The following SERGEF variants were observed in gnomAD, a reference collection of about 807,000 sequenced individuals.
The protein encoded by SERGEF is secretion-regulating guanine nucleotide exchange factor.
A neutral mutation model predicts 50.0 loss-of-function variants in SERGEF; 51 were observed. The ratio of observed to expected loss-of-function variants is 1.02; its 90% confidence interval spans 0.81 to 1.29. SERGEF has a LOEUF of 1.29. SERGEF is among the 50% of genes most tolerant of loss of function. The pLI is 0.00. For missense variants in SERGEF, 521 were observed against 557.0 expected (o/e 0.94, Z 0.65); for synonymous variants, 205 against 212.4 (o/e 0.97, Z 0.30).
At chr11:17,875,926 C>T (rs552798303) in intron 10 of SERGEF, among the ~76,000 whole-genome samples, 11 of 152,320 alleles carry the variant, frequency 7.2e-5, no homozygotes, top group African/African-American at 2.4e-4. Context: ...AGGGAAATCC[C>T]TCTAAAGCAG....
intron 10 of SERGEF, among the ~76,000 whole-genome samples, chr11:17,822,701 C>A (rs1347170934): frequency 6.6e-6 from 1 of 152,196 alleles, no homozygotes; most frequent in African/African-American, 2.4e-5. Flanking sequence ...CACTGTCTCA[C>A]TGAAGTTTTT....
intron 9 of SERGEF, among the ~76,000 whole-genome samples, chr11:17,958,024 A>C (rs900399618): frequency 6.6e-6 from 1 of 152,214 alleles, no homozygotes; most frequent in Non-Finnish European, 1.5e-5. Flanking sequence ...AATATTAAGT[A>C]GTTTCATTAT....
chr11:17,905,643 G>T (rs1851826195), intron 9 of SERGEF, among the ~76,000 whole-genome samples: 1 of 152,160 alleles, frequency 6.6e-6, no homozygotes, highest in Admixed American at 6.5e-5. Context: ...CACATGACAG[G>T]AGTCAGAGGT....
chr11:17,871,333 C>T (rs1181276446), intron 10 of SERGEF, among the ~76,000 whole-genome samples: 2 of 151,884 alleles, frequency 1.3e-5, no homozygotes, highest in Admixed American at 1.3e-4. Context: ...TGGTGGCAGG[C>T]GCCTGTAGTC....
At chr11:17,982,352 C>CT (rs1409870840) in intron 8 of SERGEF, among the ~76,000 whole-genome samples, 4 of 152,176 alleles carry the variant, frequency 2.6e-5, no homozygotes, top group South Asian at 2.1e-4. Flanking sequence ...CAGATGATCT[C>CT]TAAGTTTCCA....
intron 7 of SERGEF, among the ~76,000 whole-genome samples, chr11:17,989,771 T>C (rs1352442777): frequency 6.6e-6 from 1 of 152,218 alleles, no homozygotes; most frequent in East Asian, 1.9e-4. Context: ...TGAGATACAT[T>C]GTAAGTGAAA....
chr11:17,870,002 G>T (rs1851107153), intron 10 of SERGEF, among the ~76,000 whole-genome samples: 1 of 152,202 alleles, frequency 6.6e-6, no homozygotes, highest in Non-Finnish European at 1.5e-5. Flanking sequence ...CCAGGTGGAG[G>T]TAATTGAATC....
At chr11:17,890,427 T>C (rs1193454341) in intron 9 of SERGEF, among the ~76,000 whole-genome samples, 1 of 152,132 alleles carries the variant, frequency 6.6e-6, no homozygotes, top group African/African-American at 2.4e-5. Flanking sequence ...AACAGAAATA[T>C]ATATAGAAAA....
chr11:17,970,177 C>A lies in SERGEF; in HGVS notation c.845-10541G>T, dbSNP rs549369679. 3.9e-5 allele frequency among the ~76,000 whole-genome samples: 6 copies of A among 152,272 alleles called. No individual in the cohort carries two copies. In the South Asian group the frequency reaches 1.2e-3, roughly 32 times the overall value. ...TGTGGCAACCCTGAGTCCAGTAAGT[C>A]TATTGGCGCCATTTTTCGAACAGCA... On this transcript the variant is annotated intron_variant, in intron 8 of 10. Transcript: ENST00000265965.
In SERGEF at chr11:17,896,781, G is replaced by A. The variant is rs186097561; in HGVS notation, c.1012-18537C>T. Among the ~76,000 whole-genome samples the A allele has an allele frequency of 8.2e-3, 737 of 89,676 alleles. 6 individuals are homozygous for A. The highest frequency in any genetic ancestry group is 0.041 in the Middle Eastern group (5 of 122). 58.8% of individuals were successfully genotyped at this position (89,676 alleles called of 152,430 possible). Reference sequence around the variant, plus strand: ...AAGGGAAGGGAAGGGTAAGGGAAGGGTAAGGGAAGGGTAAGGGAAGGGTAA... The same window carrying A: ...AAGGGAAGGGAAGGGTAAGGGAAGGATAAGGGAAGGGTAAGGGAAGGGTAA... On this transcript the variant is annotated intron_variant, in intron 9 of 10. Coordinates refer to ENST00000265965, the MANE Select transcript of SERGEF (RefSeq NM_012139.4).
chr11:17,793,519 T>G (rs1258696588), intron 10 of SERGEF, among the ~76,000 whole-genome samples: 1 of 152,188 alleles, frequency 6.6e-6, no homozygotes, highest in Non-Finnish European at 1.5e-5. Flanking sequence ...GATGCTACTA[T>G]GCAGGCTGTT....
intron 10 of SERGEF, among the ~76,000 whole-genome samples, chr11:17,806,773 G>C (rs1432828150): frequency 6.6e-6 from 1 of 152,134 alleles, no homozygotes; most frequent in Non-Finnish European, 1.5e-5. Context: ...GTAGAATCTG[G>C]GTGGCGTGAT....
At chr11:17,863,653 T>C (rs866842498) in intron 10 of SERGEF, 1 of 152,208 alleles carries the variant, frequency 6.6e-6, no homozygotes, top group South Asian at 2.1e-4. Context: ...AAGTCCAAAG[T>C]ATGGCCAAAT....
At chr11:17,793,728 T>C (rs1849525010) in intron 10 of SERGEF, among the ~76,000 whole-genome samples, 1 of 152,228 alleles carries the variant, frequency 6.6e-6, no homozygotes, top group South Asian at 2.1e-4. Context: ...GAGATCTGCT[T>C]TGCTGGTCCT....
chr11:17,878,784 C>T (rs776438574), intron 9 of SERGEF, among the ~76,000 whole-genome samples: 1 of 152,220 alleles, frequency 6.6e-6, no homozygotes, highest in Non-Finnish European at 1.5e-5. Context: ...CATGTTCTCT[C>T]ACACCTCTAG....
At chr11:17,924,700 G>A (rs1356665322) in intron 9 of SERGEF, among the ~76,000 whole-genome samples, 1 of 148,712 alleles carries the variant, frequency 6.7e-6, no homozygotes, top group East Asian at 2.0e-4. Context: ...GGGGTGGAGA[G>A]AGGGGGAAAG....
chr11:17,969,462 G>A (rs531229052), intron 8 of SERGEF, among the ~76,000 whole-genome samples: 13 of 152,232 alleles, frequency 8.5e-5, no homozygotes, highest in Non-Finnish European at 1.5e-4. Context: ...ATACCCCAGG[G>A]CTTCTGCAGC....
At chr11:17,952,653 G>A (rs1272686459) in intron 9 of SERGEF, among the ~76,000 whole-genome samples, 1 of 152,140 alleles carries the variant, frequency 6.6e-6, no homozygotes, top group Non-Finnish European at 1.5e-5. Context: ...TACTGGGCTT[G>A]TTTTCATGCT....
intron 10 of SERGEF, among the ~76,000 whole-genome samples, chr11:17,845,174 C>T (rs964899099): frequency 6.6e-6 from 1 of 152,148 alleles, no homozygotes; most frequent in African/African-American, 2.4e-5. Context: ...ACTGCTTGTT[C>T]GAGAACTCTG....
Sources: gnomAD v4.1 joint callset for allele counts (sites outside exome capture counted in the v4.1 genomes callset) on GRCh38, gnomAD v4.1.1 for gene constraint, MANE v1.5 for transcripts, NCBI Gene and HGNC (gene_info 2026-07-23, HGNC 2026-07-21) for gene names.